PDE4B: variants seen among roughly 807,000 people sequenced by gnomAD.
PDE4B encodes the protein phosphodiesterase 4B.
A neutral mutation model predicts 82.2 loss-of-function variants in PDE4B; 20 were observed. The observed-to-expected ratio is 0.24, with a 90% CI of 0.17 to 0.35. The LOEUF (loss-of-function observed/expected upper bound fraction) is 0.35. PDE4B is among the 10% of genes least tolerant of loss of function. The pLI is 1.00. For missense variants in PDE4B, 655 were observed against 907.2 expected, an observed-to-expected ratio of 0.72 and a Z score of 3.57; for synonymous variants, 320 against 318.9, an observed-to-expected ratio of 1.00 and a Z score of -0.04.
Position 66,021,424 on chromosome 1 carries a change from T to C in PDE4B, c.281+102589T>C, listed in dbSNP as rs573621874. Among the ~76,000 whole-genome samples the C allele has an allele frequency of 5.5e-4, 84 of 152,352 alleles. No individual in the cohort carries two copies. The South Asian group carries it at 0.01, about 19-fold the overall frequency. On this transcript the variant is annotated intron_variant, in intron 3 of 16. Transcript: ENST00000341517. ...TGTCCTGAATGGTATTGCCTAGGTT[T>C]TCTTCTAGGATTTTTATGGCTTTAG...
At chr1:65,968,284 G>A (rs1390037496) in intron 3 of PDE4B, among the ~76,000 whole-genome samples, 3 of 152,120 alleles carry the variant, frequency 2.0e-5, no homozygotes, top group South Asian at 4.1e-4. Flanking sequence ...TTTCAGATCA[G>A]AATACCTAAG....
At chr1:66,042,808 A>T (rs780783150) in intron 3 of PDE4B, 8 of 151,844 alleles carry the variant, frequency 5.3e-5, no homozygotes, top group African/African-American at 9.7e-5. Context: ...TTGTTAATGT[A>T]AAAATAGATA....
chr1:65,840,667 C>T lies in PDE4B; in HGVS notation c.-71+47419C>T, dbSNP rs541516352. The stretch of plus-strand genomic sequence containing the variant: ...TTTTGGTTAAATAAATGTCTCAGAT[C>T]GTTAGCTACGAGACCCTGTGCTGGG... On this transcript the variant is annotated intron_variant, in intron 1 of 16. Transcript: ENST00000341517. Among the ~76,000 whole-genome samples the T allele has an allele frequency of 8.3e-4, 127 of 152,238 alleles. No individual in the cohort carries two copies. In the South Asian group the frequency reaches 0.017, roughly 20 times the overall value.
At chr1:66,090,415 A>G (rs1247328301) in intron 3 of PDE4B, among the ~76,000 whole-genome samples, 1 of 151,632 alleles carries the variant, frequency 6.6e-6, no homozygotes, top group Non-Finnish European at 1.5e-5. Context: ...CATAAATATG[A>G]TATTTTTGAG....
At chr1:66,361,940 G>C in intron 10 of PDE4B, 147 bp downstream of exon 10, 5 of 574,898 alleles carry the variant, frequency 8.7e-6, no homozygotes, top group Non-Finnish European at 1.5e-5. Flanking sequence ...ACTTTACTGT[G>C]AGCAGTAAGG....
At chr1:66,134,938 A>T (rs1646025995) in intron 3 of PDE4B, among the ~76,000 whole-genome samples, 1 of 152,244 alleles carries the variant, frequency 6.6e-6, no homozygotes, top group South Asian at 2.1e-4. Flanking sequence ...GGATAGAACT[A>T]TGTCATATCA....
chr1:66,266,301 T>A, intron 7 of PDE4B: 1 of 582,050 alleles, frequency 1.7e-6, no homozygotes, highest in Admixed American at 2.9e-5. Flanking sequence ...GCCCATTGTA[T>A]GTGCAGGCTT....
intron 1 of PDE4B, among the ~76,000 whole-genome samples, chr1:65,807,028 A>T (rs1163376385): frequency 6.6e-6 from 1 of 152,200 alleles, no homozygotes; most frequent in African/African-American, 2.4e-5. Context: ...CTTAATTGCA[A>T]GGTAAAGAGA....
intron 3 of PDE4B, among the ~76,000 whole-genome samples, chr1:66,097,224 T>C (rs555266549): frequency 6.6e-6 from 1 of 152,206 alleles, no homozygotes; most frequent in South Asian, 2.1e-4. Flanking sequence ...ACTAGTAATG[T>C]ATGGGAGTTT....
At chr1:65,810,004 G>A (rs1645801455) in intron 1 of PDE4B, among the ~76,000 whole-genome samples, 1 of 152,206 alleles carries the variant, frequency 6.6e-6, no homozygotes, top group African/African-American at 2.4e-5. Context: ...TCCAGTAATT[G>A]CAGCCAAGGG....
At chr1:66,126,468 C>T (rs1317231579) in intron 3 of PDE4B, among the ~76,000 whole-genome samples, 1 of 152,118 alleles carries the variant, frequency 6.6e-6, no homozygotes, top group Non-Finnish European at 1.5e-5. Flanking sequence ...TAACTCATCC[C>T]AGCCCTGCCT....
intron 3 of PDE4B, among the ~76,000 whole-genome samples, chr1:65,928,831 C>T (rs757109629): frequency 2.6e-5 from 4 of 152,226 alleles, no homozygotes; most frequent in South Asian, 2.1e-4. Context: ...ATCTTTTAGT[C>T]CATATTTCAG....
intron 3 of PDE4B, among the ~76,000 whole-genome samples, chr1:65,941,595 T>C (rs1020314133): frequency 6.6e-6 from 1 of 151,778 alleles, no homozygotes; most frequent in Non-Finnish European, 1.5e-5. Context: ...CAGTGACCCA[T>C]GACAAAAAAC....
chr1:65,906,584 G>A (rs1206645723), intron 1 of PDE4B, among the ~76,000 whole-genome samples: 1 of 152,000 alleles, frequency 6.6e-6, no homozygotes, highest in Non-Finnish European at 1.5e-5. Context: ...ATACTGCAGG[G>A]AAATTCACTA....
intron 3 of PDE4B, among the ~76,000 whole-genome samples, chr1:66,029,026 G>C (rs1653611771): frequency 6.6e-6 from 1 of 151,966 alleles, no homozygotes; most frequent in African/African-American, 2.4e-5. Context: ...CACTCTACTG[G>C]TACCAATTTA....
chr1:66,370,525 G>T (rs2050710690), intron 16 of PDE4B, among the ~76,000 whole-genome samples: 1 of 152,162 alleles, frequency 6.6e-6, no homozygotes, highest in Non-Finnish European at 1.5e-5. Context: ...CTTAGGGACA[G>T]GTCTTCCTGT....
intron 3 of PDE4B, among the ~76,000 whole-genome samples, chr1:65,925,954 T>C (rs545610022): frequency 2.8e-4 from 42 of 152,090 alleles, no homozygotes; most frequent in Non-Finnish European, 3.8e-4. Context: ...CTTCTGGCAG[T>C]CTCCTGGATG....
chr1:66,156,978 A>G lies in PDE4B; in HGVS notation c.282-90482A>G, dbSNP rs1245668183. Among the ~76,000 whole-genome samples, 8 of 152,208 alleles carry G rather than the reference A, an allele frequency of 5.3e-5. No homozygotes were observed. The South Asian group carries it at 1.5e-3, about 28-fold the overall frequency. ...ATGATTTGAAAGCTGATGGCTCCCA[A>G]TTTCTATCTTCAACCCAGTTCTCTC... On this transcript the variant is annotated intron_variant, in intron 3 of 16. Transcript: ENST00000341517.
intron 3 of PDE4B, among the ~76,000 whole-genome samples, chr1:66,055,132 T>G (rs1365641616): frequency 6.6e-6 from 1 of 152,226 alleles, no homozygotes; most frequent in Non-Finnish European, 1.5e-5. Context: ...AATTAGTCTT[T>G]CTTTTTTATT....
Sources: allele counts gnomAD v4.1 joint callset (sites outside exome capture counted in the v4.1 genomes callset), GRCh38; gene constraint gnomAD v4.1.1; transcripts MANE v1.5; gene names NCBI Gene and HGNC (gene_info 2026-07-23, HGNC 2026-07-21).